The following RPS6KC1 variants were observed in gnomAD, a reference collection of about 807,000 sequenced individuals.
RPS6KC1 encodes ribosomal protein S6 kinase C1.
Under a neutral mutation model 103.8 loss-of-function variants are expected in RPS6KC1, and 54 were observed. The ratio of observed to expected loss-of-function variants is 0.52; its 90% CI spans 0.42 to 0.65. The LOEUF is 0.65. Ranked by LOEUF, RPS6KC1 falls within the 30% of genes least tolerant of loss-of-function variation. The pLI is 0.00. For missense variants in RPS6KC1, 1,151 were observed against 1,253.8 expected (o/e 0.92, Z 1.24); for synonymous variants, 439 against 438.7 (o/e 1.00, Z -0.01).
chr1:213,831,115 C>T, the RPS6KC1 span, among the ~76,000 whole-genome samples: 1 of 152,194 alleles, frequency 6.6e-6, no homozygotes, highest in African/African-American at 2.4e-5. Context: ...TTCAACTCCC[C>T]AGCTTAAAGC....
chr1:213,859,826 A>G, the RPS6KC1 span, among the ~76,000 whole-genome samples: 1 of 152,188 alleles, frequency 6.6e-6, no homozygotes, highest in Non-Finnish European at 1.5e-5. Flanking sequence ...CATTCATGCC[A>G]TAGGACGGAA....
chr1:213,114,892 A>G (rs2083417908), intron 4 of RPS6KC1, among the ~76,000 whole-genome samples: 3 of 152,216 alleles, frequency 2.0e-5, no homozygotes, highest in Admixed American at 1.3e-4. Context: ...CTTGCATCTC[A>G]GGGATGAAGC....
At chr1:213,694,940 G>C in the RPS6KC1 span, among the ~76,000 whole-genome samples, 1 of 152,150 alleles carries the variant, frequency 6.6e-6, no homozygotes, top group Admixed American at 6.5e-5. Context: ...CACAGACAGT[G>C]GTGCCCAGTG....
the RPS6KC1 span, among the ~76,000 whole-genome samples, chr1:213,388,844 A>G: frequency 6.6e-6 from 1 of 152,202 alleles, no homozygotes; most frequent in Non-Finnish European, 1.5e-5. Flanking sequence ...AAACAGATAA[A>G]AGACAAGACC....
chr1:213,499,404 T>C, the RPS6KC1 span, among the ~76,000 whole-genome samples: 1 of 152,308 alleles, frequency 6.6e-6, no homozygotes, highest in East Asian at 1.9e-4. Flanking sequence ...AGACAATTTT[T>C]CCGTAGTAGG....
intron 12 of RPS6KC1, among the ~76,000 whole-genome samples, chr1:213,244,108 AATAG>A (rs1236598734): frequency 6.6e-6 from 1 of 151,438 alleles, no homozygotes; most frequent in African/African-American, 2.4e-5. Flanking sequence ...TTTTTTCTCA[AATAG>A]ATAATGTGAT....
At chr1:213,514,948 G>A in the RPS6KC1 span, among the ~76,000 whole-genome samples, 18 of 152,168 alleles carry the variant, frequency 1.2e-4, no homozygotes, top group Admixed American at 4.6e-4. Context: ...GTATCTCACT[G>A]TGGTTTTGAT....
chr1:213,527,468 TCATGGGATTTGTGATCA>T, the RPS6KC1 span, among the ~76,000 whole-genome samples: 3 of 152,140 alleles, frequency 2.0e-5, no homozygotes, highest in Non-Finnish European at 4.4e-5. Context: ...TTCCATGATC[TCATGGGATTTGTGATCA>T]CAGTGAGACC....
chr1:213,695,452 A>T, the RPS6KC1 span, among the ~76,000 whole-genome samples: 1 of 152,244 alleles, frequency 6.6e-6, no homozygotes, highest in Non-Finnish European at 1.5e-5. Flanking sequence ...AAAACTGGAC[A>T]CTGGGACAGT....
the RPS6KC1 span, among the ~76,000 whole-genome samples, chr1:213,397,935 A>T: frequency 6.6e-6 from 1 of 152,182 alleles, no homozygotes; most frequent in Non-Finnish European, 1.5e-5. Flanking sequence ...TGGAGACAGA[A>T]GGGCCTGGGC....
chr1:213,360,555 C>T, the RPS6KC1 span, among the ~76,000 whole-genome samples: 15 of 152,358 alleles, frequency 9.8e-5, no homozygotes, highest in East Asian at 2.1e-3. Context: ...CTTCTCTCAG[C>T]TCATCAAAGT....
the RPS6KC1 span, among the ~76,000 whole-genome samples, chr1:213,538,252 G>A: frequency 0.045 from 6,914 of 152,230 alleles, 511 homozygotes; most frequent in African/African-American, 0.16. Flanking sequence ...AATTTGCAGC[G>A]TTAAGTCCTG....
chr1:213,606,472 A>C, the RPS6KC1 span, among the ~76,000 whole-genome samples: 1 of 152,214 alleles, frequency 6.6e-6, no homozygotes, highest in Non-Finnish European at 1.5e-5. Context: ...GGCAGCGAGA[A>C]AGCCATGTGT....
At chr1:213,065,564 G>A (rs987710689) in intron 1 of RPS6KC1, among the ~76,000 whole-genome samples, 11 of 152,222 alleles carry the variant, frequency 7.2e-5, no homozygotes, top group African/African-American at 2.4e-4. Context: ...TGTGGTTTTC[G>A]TTTCCGTTTT....
rs548020129 is a variant in RPS6KC1 at position 213,241,707 on chromosome 1, A to G, written c.2231A>G (p.His744Arg). The G allele has an allele frequency of 1.9e-6, 3 of 1,613,962 alleles. No homozygotes were observed. Among genetic ancestry groups the G allele is most frequent in the South Asian group, 1.1e-5 (1 of 91,082 alleles). ...CTTAGTACTGAACAATGCCAAGCACATGAGGAGAAAGGCATAGAGGAACTG... is the reference window on the plus strand; with the variant it reads ...CTTAGTACTGAACAATGCCAAGCACGTGAGGAGAAAGGCATAGAGGAACTG... ...LRLSTEQCQAHEEKGIEELSD... is the reference protein window; with the variant it reads ...LRLSTEQCQAREEKGIEELSD... The change falls in exon 11 of 15, where the codon CAT becomes CGT. Residue 744 changes from histidine (H) to arginine (R), a missense_variant. By Grantham distance (29) the His-to-Arg change is conservative (BLOSUM62 0). Coordinates refer to ENST00000366960, the MANE Select transcript of RPS6KC1 (RefSeq NM_012424.6).
At chr1:213,435,368 G>A in the RPS6KC1 span, among the ~76,000 whole-genome samples, 1 of 152,000 alleles carries the variant, frequency 6.6e-6, no homozygotes, top group Non-Finnish European at 1.5e-5. Context: ...TCTCATTATT[G>A]TTTGTTTTAT....
intron 5 of RPS6KC1, among the ~76,000 whole-genome samples, chr1:213,128,511 G>A (rs777100238): frequency 5.3e-5 from 8 of 152,184 alleles, no homozygotes; most frequent in Non-Finnish European, 1.2e-4. Context: ...AGTCTGATAT[G>A]TATTGTGGAT....
At chr1:213,487,330 A>C in the RPS6KC1 span, among the ~76,000 whole-genome samples, 1 of 152,120 alleles carries the variant, frequency 6.6e-6, no homozygotes, top group Non-Finnish European at 1.5e-5. Flanking sequence ...CAGGAGGTTA[A>C]GGCTGCAGTG....
the RPS6KC1 span, among the ~76,000 whole-genome samples, chr1:213,666,880 T>C: frequency 6.6e-6 from 1 of 152,262 alleles, no homozygotes; most frequent in Admixed American, 6.5e-5. Flanking sequence ...CTCCGTATGT[T>C]GCCGGGAGAG....
Sources: gnomAD v4.1 joint callset for allele counts (sites outside exome capture counted in the v4.1 genomes callset) on GRCh38, gnomAD v4.1.1 for gene constraint, MANE v1.5 for transcripts, NCBI Gene and HGNC (gene_info 2026-07-23, HGNC 2026-07-21) for gene names.